SGCD: variants seen among roughly 807,000 people sequenced by gnomAD.
SGCD encodes sarcoglycan delta, also known as delta-sarcoglycan.
Under a neutral mutation model 36.6 loss-of-function variants are expected in SGCD, and 18 were observed. The observed-to-expected ratio is 0.49, with a 90% CI of 0.34 to 0.73. SGCD has a LOEUF of 0.73. Among genes scored for constraint, SGCD ranks in the 30% least tolerant of loss-of-function variants. The pLI is 0.01. For missense variants in SGCD, 387 were observed against 346.7 expected (o/e 1.12, Z -0.92); for synonymous variants, 133 against 130.6 (o/e 1.02, Z -0.12).
chr5:156,531,848 C>T (rs765275923), intron 4 of SGCD, among the ~76,000 whole-genome samples: 1 of 152,114 alleles, frequency 6.6e-6, no homozygotes, highest in Non-Finnish European at 1.5e-5. Context: ...GTGGCTCATG[C>T]CTGTAATCCC....
Position 156,589,277 on chromosome 5 carries a change from T to C in SGCD, c.341T>C (p.Ile114Thr). The stretch of plus-strand genomic sequence containing the variant: ...TCTGCCAGAAATGTTACAGTGAACA[T>C]TCTCAATGACCAGACTAAAGTGCTA... ...FKSARNVTVN[I>T]LNDQTKVLTQ... Residue 114 changes from isoleucine to threonine, a missense_variant, in exon 5 of 9, where the codon ATT (isoleucine) becomes ACT (threonine). Transcript: ENST00000337851. The C allele has an allele frequency of 6.3e-7, 1 of 1,575,704 alleles. No individual in the cohort carries two copies. Among genetic ancestry groups the C allele is most frequent in the Non-Finnish European group, 8.6e-7 (1 of 1,158,910 alleles).
Position 156,094,751 on chromosome 5 carries a change from C to T in SGCD, c.-281-23127C>T, listed in dbSNP as rs1037419759. 9.2e-5 allele frequency among the ~76,000 whole-genome samples: 14 copies of T among 152,074 alleles called. No individual in the cohort carries two copies. The South Asian group carries it at 1.2e-3, about 14-fold the overall frequency. On this transcript the variant is annotated intron_variant, in intron 1 of 9. Coordinates refer to the SGCD transcript ENST00000517913. ...GGCATGGTGACTTACACCTATACTCCCAGCACTTTGGGAGGCCGAGGCGGG... is the reference window on the plus strand; with the variant it reads ...GGCATGGTGACTTACACCTATACTCTCAGCACTTTGGGAGGCCGAGGCGGG...
chr5:155,807,716 T>C, the SGCD span, among the ~76,000 whole-genome samples: 2 of 152,250 alleles, frequency 1.3e-5, no homozygotes, highest in African/African-American at 2.4e-5. Context: ...ACAAAGCCTT[T>C]GGTATATTCT....
intron 3 of SGCD, among the ~76,000 whole-genome samples, chr5:156,406,036 G>GAAAAAAAAAAAAAAAAAAAAAAAACC (rs79259925): frequency 7.3e-6 from 1 of 136,608 alleles, no homozygotes; most frequent in African/African-American, 2.8e-5. Context: ...AAAAAAAAAG[G>GAAAAAAAAAAAAAAAAAAAAAAAACC]CCTCTGGGCA....
At chr5:156,645,294 A>G (rs1466033449) in intron 6 of SGCD, among the ~76,000 whole-genome samples, 2 of 152,168 alleles carry the variant, frequency 1.3e-5, no homozygotes. Flanking sequence ...ATAATTCATT[A>G]TCTGAGAAAA....
the SGCD span, among the ~76,000 whole-genome samples, chr5:155,779,201 G>T: frequency 6.6e-6 from 1 of 152,116 alleles, no homozygotes; most frequent in Non-Finnish European, 1.5e-5. Context: ...CACTTTGGGA[G>T]GCTGAAGCAG....
chr5:156,703,788 T>C (rs1054613883), intron 7 of SGCD, among the ~76,000 whole-genome samples: 4 of 152,214 alleles, frequency 2.6e-5, no homozygotes, highest in African/African-American at 7.2e-5. Context: ...ATAGATCTTA[T>C]AATTTTCTCC....
chr5:155,865,290 GAGC>G, the SGCD span, among the ~76,000 whole-genome samples: 1 of 151,942 alleles, frequency 6.6e-6, no homozygotes, highest in African/African-American at 2.4e-5. Context: ...AATGTGGAAA[GAGC>G]AGCATTGTTT....
At chr5:156,312,869 G>A (rs1280667118) in intron 3 of SGCD, among the ~76,000 whole-genome samples, 1 of 152,146 alleles carries the variant, frequency 6.6e-6, no homozygotes, top group Admixed American at 6.5e-5. Flanking sequence ...AGCCCCATAA[G>A]AAAATTGTCT....
intron 1 of SGCD, among the ~76,000 whole-genome samples, chr5:156,062,255 T>C (rs377609469): frequency 7.9e-5 from 4 of 50,366 alleles, no homozygotes; most frequent in Admixed American, 2.0e-4. Context: ...CTACAAAGGA[T>C]ATGAACTCAT....
intron 3 of SGCD, among the ~76,000 whole-genome samples, chr5:156,209,243 C>T (rs1764372844): frequency 6.6e-6 from 1 of 152,160 alleles, no homozygotes. Context: ...GCCAGGCCAG[C>T]CCCAGTGGCC....
chr5:156,443,871 AC>A (rs1238669102), intron 3 of SGCD, among the ~76,000 whole-genome samples: 1 of 152,142 alleles, frequency 6.6e-6, no homozygotes, highest in East Asian at 1.9e-4. Flanking sequence ...AAGATGTAAC[AC>A]ACTTGACTTG....
intron 7 of SGCD, among the ~76,000 whole-genome samples, chr5:156,701,284 C>CATAA (rs1045016614): frequency 3.8e-4 from 58 of 152,206 alleles, no homozygotes; most frequent in African/African-American, 1.3e-3. Context: ...CTCAGACATG[C>CATAA]ATAAATAAAT....
chr5:155,786,541 C>A, the SGCD span, among the ~76,000 whole-genome samples: 20 of 151,876 alleles, frequency 1.3e-4, no homozygotes, highest in South Asian at 1.5e-3. Flanking sequence ...TCAGGATGAA[C>A]AAAGGAGGAA....
intron 3 of SGCD, among the ~76,000 whole-genome samples, chr5:156,475,361 C>T (rs145400313): frequency 6.6e-6 from 1 of 152,308 alleles, no homozygotes; most frequent in African/African-American, 2.4e-5. Flanking sequence ...GTCATAGTGA[C>T]AGTTCAGACT....
At chr5:155,949,058 T>C (rs1376237208) in intron 1 of SGCD, among the ~76,000 whole-genome samples, 1 of 152,140 alleles carries the variant, frequency 6.6e-6, no homozygotes, top group Non-Finnish European at 1.5e-5. Context: ...CTTTTCTCCA[T>C]CAAAGAAACA....
At chr5:156,406,796 A>ATATT (rs1174042267) in intron 3 of SGCD, among the ~76,000 whole-genome samples, 43 of 71,730 alleles carry the variant, frequency 6.0e-4, no homozygotes, top group African/African-American at 3.5e-3. Flanking sequence ...GATTTTATAT[A>ATATT]TATATATATA....
chr5:156,553,398 T>C (rs539473369), intron 4 of SGCD, among the ~76,000 whole-genome samples: 1 of 152,326 alleles, frequency 6.6e-6, no homozygotes. Context: ...CCTGATTTGA[T>C]GTATTTGAGC....
At chr5:156,721,178 G>A (rs1252793826) in intron 7 of SGCD, among the ~76,000 whole-genome samples, 1 of 152,278 alleles carries the variant, frequency 6.6e-6, no homozygotes, top group East Asian at 1.9e-4. Flanking sequence ...CATGTGTTAA[G>A]TTTGAGATGT....
Sources: allele counts gnomAD v4.1 joint callset (sites outside exome capture counted in the v4.1 genomes callset), GRCh38; gene constraint gnomAD v4.1.1; transcripts MANE v1.5; gene names NCBI Gene and HGNC (gene_info 2026-07-23, HGNC 2026-07-21).